The following LGR5 variants were observed in gnomAD, a reference collection of about 807,000 sequenced individuals.
LGR5 encodes the protein leucine-rich repeat-containing G protein-coupled receptor 5.
A neutral mutation model predicts 76.7 loss-of-function variants in LGR5; 54 were observed. The ratio of observed to expected loss-of-function variants is 0.70; its 90% CI spans 0.57 to 0.88. The LOEUF is 0.88. Among genes scored for constraint, LGR5 ranks in the 40% least tolerant of loss-of-function variants. The pLI is 0.00. For synonymous variants in LGR5, 406 were observed against 421.9 expected (o/e 0.96, Z 0.46); for missense variants, 1,078 against 1,073.3 (o/e 1.00, Z -0.06).
intron 1 of LGR5, among the ~76,000 whole-genome samples, chr12:71,489,234 G>C (rs1403448481): frequency 1.3e-5 from 2 of 152,074 alleles, no homozygotes; most frequent in Non-Finnish European, 2.9e-5. Flanking sequence ...TGTTGTTTTA[G>C]AATAACCATC....
chr12:71,505,771 A>T (rs1034922424), intron 2 of LGR5, among the ~76,000 whole-genome samples: 1 of 152,162 alleles, frequency 6.6e-6, no homozygotes, highest in Non-Finnish European at 1.5e-5. Flanking sequence ...TTACTACCAA[A>T]ATCAGTTGCA....
chr12:71,523,109 G>A (rs985597992), intron 2 of LGR5, among the ~76,000 whole-genome samples: 2 of 152,198 alleles, frequency 1.3e-5, no homozygotes, highest in African/African-American at 2.4e-5. Context: ...TTTGATAAGC[G>A]TAGCATTTCT....
chr12:71,557,203 T>C (rs1041586920), intron 6 of LGR5, among the ~76,000 whole-genome samples: 35 of 152,200 alleles, frequency 2.3e-4, no homozygotes, highest in Admixed American at 2.3e-3. Context: ...GAGGATCGCT[T>C]GAGCCCAGGA....
At chr12:71,543,429 T>C (rs1258957627) in intron 4 of LGR5, among the ~76,000 whole-genome samples, 1 of 152,132 alleles carries the variant, frequency 6.6e-6, no homozygotes, top group African/African-American at 2.4e-5. Context: ...GGAAGGTTAA[T>C]GAGATTCAGA....
At chr12:71,461,695 C>T (rs1872690431) in intron 1 of LGR5, among the ~76,000 whole-genome samples, 1 of 152,128 alleles carries the variant, frequency 6.6e-6, no homozygotes, top group South Asian at 2.1e-4. Flanking sequence ...TCATTGCCAC[C>T]ATTTCATTAC....
At chr12:71,441,437 GCA>G (rs1341412944) in intron 1 of LGR5, 1 of 152,240 alleles carries the variant, frequency 6.6e-6, no homozygotes, top group Admixed American at 6.5e-5. Flanking sequence ...CCAAGCCCAT[GCA>G]GTCCCAGTTT....
At chr12:71,520,246 G>A (rs1875659987) in intron 2 of LGR5, among the ~76,000 whole-genome samples, 2 of 152,134 alleles carry the variant, frequency 1.3e-5, no homozygotes, top group Non-Finnish European at 2.9e-5. Context: ...TTGATATATG[G>A]TGTAACATGG....
chr12:71,580,322 T>C lies in LGR5; in HGVS notation c.1451T>C (p.Val484Ala). 1 of 1,613,678 alleles carries C rather than the reference T, an allele frequency of 6.2e-7. No individual in the cohort carries two copies. Among genetic ancestry groups the C allele is most frequent in the Non-Finnish European group, 8.5e-7 (1 of 1,179,758 alleles). ...GCTTACCAGTGCTGTGCATTTGGAG[T>C]GTGTGAGAATGCCTATAAGATTTCT... is the stretch of plus-strand genomic sequence containing the variant. ...PYAYQCCAFGVCENAYKISNQ... is the reference protein window; with the variant it reads ...PYAYQCCAFGACENAYKISNQ... The change falls in exon 16 of 18, where the codon GTG becomes GCG. Residue 484 changes from valine (V) to alanine (A), a missense_variant. Physicochemically the swap from Val to Ala is moderately conservative, Grantham distance 64. Transcript: ENST00000266674.
intron 1 of LGR5, among the ~76,000 whole-genome samples, chr12:71,485,336 A>C (rs1873779906): frequency 6.6e-6 from 1 of 152,238 alleles, no homozygotes; most frequent in Non-Finnish European, 1.5e-5. Context: ...TTATGAATTG[A>C]AGAATACCAG....
chr12:71,544,893 T>C (rs1456887769), intron 4 of LGR5, among the ~76,000 whole-genome samples: 1 of 152,216 alleles, frequency 6.6e-6, no homozygotes, highest in Admixed American at 6.5e-5. Context: ...TTTTTGGCTT[T>C]CCTGACTTGT....
At chr12:71,514,486 T>C (rs1875334205) in intron 2 of LGR5, among the ~76,000 whole-genome samples, 1 of 149,830 alleles carries the variant, frequency 6.7e-6, no homozygotes, top group African/African-American at 2.5e-5. Flanking sequence ...GAGAATGGCT[T>C]GAACCCGGAA....
rs762447947 is a variant in LGR5 at position 71,559,651 on chromosome 12, A to T, written c.782A>T (p.Glu261Val). 2.0e-6 allele frequency: 3 copies of T among 1,508,506 alleles called. No homozygotes were observed. Among genetic ancestry groups the T allele is most frequent in the Admixed American group, 1.7e-5 (1 of 59,314 alleles). The allele number at this position is 1,508,506 out of a possible 1,614,324, so 93.4% of individuals were successfully genotyped here. A position where few individuals can be genotyped will look rare whatever the true frequency, so the allele number is the denominator to read the frequency against. Residue 261 changes from glutamate (E) to valine (V), a missense_variant, in exon 7 of 18, where the codon GAA (glutamate) becomes GTA (valine). Physicochemically the swap from Glu to Val is moderately radical, Grantham distance 121. Coordinates refer to ENST00000266674, the MANE Select transcript of LGR5 (RefSeq NM_003667.4). ...TAIRTLSNLK[E>V]LGFHSNNIRS... ...ATTAGGACACTCTCCAACCTTAAAG[A>T]ACTGTAAGTATTTAGGACAATTTTA...
intron 4 of LGR5, among the ~76,000 whole-genome samples, chr12:71,552,380 C>T (rs1307710784): frequency 1.3e-5 from 2 of 152,052 alleles, no homozygotes; most frequent in Non-Finnish European, 2.9e-5. Context: ...ACCTGGCCAA[C>T]ATGGTGAAAC....
rs764101062 is a variant in LGR5 at position 71,553,139 on chromosome 12, G to A, written c.495G>A (p.Arg165=). 86 of 1,613,810 alleles carry A rather than the reference G, an allele frequency of 5.3e-5. No homozygotes were observed. The highest frequency in any genetic ancestry group is 6.9e-5 in the Non-Finnish European group (82 of 1,179,998). The change falls in exon 5 of 18, where the codon AGG becomes AGA. Residue 165 remains arginine, a synonymous_variant. Transcript: ENST00000266674. ...PSCFSGLHSL[R]HLWLDDNALT... Reference sequence around the variant, plus strand: ...GTTTCAGTGGCCTGCATTCCCTGAGGCACCTGTGGCTGGATGACAATGCGT... The same window carrying A: ...GTTTCAGTGGCCTGCATTCCCTGAGACACCTGTGGCTGGATGACAATGCGT...
At chr12:71,570,051 T>G (rs990536056) in intron 11 of LGR5, among the ~76,000 whole-genome samples, 1 of 152,030 alleles carries the variant, frequency 6.6e-6, no homozygotes, top group Non-Finnish European at 1.5e-5. Context: ...AGCAAACTAA[T>G]GCAGGAACAG....
intron 1 of LGR5, among the ~76,000 whole-genome samples, chr12:71,454,790 C>T (rs1565849770): frequency 6.6e-6 from 1 of 151,566 alleles, no homozygotes; most frequent in African/African-American, 2.4e-5. Flanking sequence ...CACACACACA[C>T]ACACACACAC....
chr12:71,563,849 A>AGTGTGT (rs147621030), intron 8 of LGR5, among the ~76,000 whole-genome samples: 142 of 146,466 alleles, frequency 9.7e-4, no homozygotes, highest in African/African-American at 3.5e-3. Flanking sequence ...ATACCTGCCC[A>AGTGTGT]GTGTGTGTGT....
At chr12:71,505,753 C>T (rs532649228) in intron 2 of LGR5, among the ~76,000 whole-genome samples, 1 of 152,146 alleles carries the variant, frequency 6.6e-6, no homozygotes, top group African/African-American at 2.4e-5. Context: ...TTATGAAATG[C>T]TATTGTTTTA....
intron 2 of LGR5, among the ~76,000 whole-genome samples, chr12:71,509,079 G>T (rs771856222): frequency 1.3e-5 from 2 of 152,120 alleles, no homozygotes; most frequent in Non-Finnish European, 2.9e-5. Context: ...AGAAAAGCAG[G>T]TCGAAATTAG....
Sources: allele counts gnomAD v4.1 joint callset (sites outside exome capture counted in the v4.1 genomes callset), GRCh38; gene constraint gnomAD v4.1.1; transcripts MANE v1.5; gene names NCBI Gene and HGNC (gene_info 2026-07-23, HGNC 2026-07-21).